PPP4R4: variants seen among roughly 807,000 people sequenced by gnomAD.
PPP4R4 encodes protein phosphatase 4 regulatory subunit 4, also known as serine/threonine-protein phosphatase 4 regulatory subunit 4.
In PPP4R4, 70 loss-of-function variants were observed where a neutral mutation model predicts 121.8. The observed-to-expected ratio is 0.57, with a 90% CI of 0.47 to 0.70. The LOEUF (loss-of-function observed/expected upper bound fraction) is 0.70, where lower values mean the gene tolerates loss of function less well. PPP4R4 is among the 30% of genes least tolerant of loss of function. The pLI, the probability that PPP4R4 is intolerant of heterozygous loss-of-function variation, is 0.00. For synonymous variants in PPP4R4, 348 were observed against 355.7 expected (o/e 0.98, Z 0.24); for missense variants, 875 against 1,033.6 (o/e 0.85, Z 2.10).
chr14:94,272,067 T>C (rs752999298), intron 23 of PPP4R4, among the ~76,000 whole-genome samples: 1 of 152,218 alleles, frequency 6.6e-6, no homozygotes, highest in Non-Finnish European at 1.5e-5. Flanking sequence ...TACTCAATAT[T>C]GTCAAGACGT....
chr14:94,254,999 A>G lies in PPP4R4; in HGVS notation c.1866-1461A>G, dbSNP rs532202992. Among the ~76,000 whole-genome samples the G allele has an allele frequency of 2.6e-5, 4 of 152,182 alleles. No individual in the cohort carries two copies. The South Asian group carries it at 6.2e-4, about 24-fold the overall frequency. On this transcript the variant is annotated intron_variant, in intron 16 of 24. Coordinates refer to ENST00000304338, the MANE Select transcript of PPP4R4 (RefSeq NM_058237.2). Reference sequence around the variant, plus strand: ...TTACTTTGGTGATCTCTCCCATTTCATGGTTTAAATATCATCTCCTTGCTG... The same window carrying G: ...TTACTTTGGTGATCTCTCCCATTTCGTGGTTTAAATATCATCTCCTTGCTG...
At chr14:94,242,537 G>A in intron 11 of PPP4R4, 129 bp downstream of exon 11, 1 of 953,728 alleles carries the variant, frequency 1.0e-6, no homozygotes. Context: ...CTTAAATCTT[G>A]TTTAAAAATT....
intron 9 of PPP4R4, 80 bp downstream of exon 9, chr14:94,240,875 T>G: frequency 8.6e-6 from 12 of 1,388,932 alleles, no homozygotes; most frequent in Non-Finnish European, 1.0e-5. Context: ...ACTTTGGCTC[T>G]TCAGTTAATT....
intron 3 of PPP4R4, among the ~76,000 whole-genome samples, chr14:94,217,379 T>C (rs909198317): frequency 6.6e-6 from 1 of 152,200 alleles, no homozygotes; most frequent in Non-Finnish European, 1.5e-5. Flanking sequence ...ACTAGACTGG[T>C]TATTCAACCC....
At chr14:94,240,266 A>G (rs923382708) in intron 8 of PPP4R4, among the ~76,000 whole-genome samples, 3 of 152,222 alleles carry the variant, frequency 2.0e-5, no homozygotes, top group African/African-American at 7.2e-5. Flanking sequence ...AATGGGCTTA[A>G]GCTGTAGCAT....
chr14:94,278,594 T>C, intron 24 of PPP4R4, 25 bp from the exon 25 acceptor site: 1 of 1,531,952 alleles, frequency 6.5e-7, no homozygotes, highest in Non-Finnish European at 9.0e-7. Context: ...CCTCCCTCTC[T>C]TCCTTCATTT....
At chr14:94,236,399 AT>A (rs1892355791) in intron 7 of PPP4R4, among the ~76,000 whole-genome samples, 1 of 152,202 alleles carries the variant, frequency 6.6e-6, no homozygotes, top group African/African-American at 2.4e-5. Flanking sequence ...TTTATATGAA[AT>A]AAATTTTTAT....
At chr14:94,217,695 A>G (rs974744785) in intron 3 of PPP4R4, among the ~76,000 whole-genome samples, 3 of 152,190 alleles carry the variant, frequency 2.0e-5, no homozygotes, top group Non-Finnish European at 4.4e-5. Context: ...AAATAATCAA[A>G]TGAAGATGCT....
chr14:94,189,929 C>G (rs1304504310), intron 2 of PPP4R4, among the ~76,000 whole-genome samples: 1 of 152,156 alleles, frequency 6.6e-6, no homozygotes, highest in African/African-American at 2.4e-5. Context: ...CCCAGCAGTT[C>G]CTGAATGATT....
intron 16 of PPP4R4, among the ~76,000 whole-genome samples, chr14:94,254,791 A>G (rs1893379872): frequency 6.6e-6 from 1 of 152,222 alleles, no homozygotes; most frequent in South Asian, 2.1e-4. Context: ...AGCAAAGGAG[A>G]GTATTTCCTC....
At chr14:94,198,987 A>G (rs750241704) in intron 2 of PPP4R4, among the ~76,000 whole-genome samples, 8 of 152,170 alleles carry the variant, frequency 5.3e-5, no homozygotes, top group Non-Finnish European at 1.2e-4. Flanking sequence ...TGTTTTTGTC[A>G]GATTTGTTTT....
Position 94,265,433 on chromosome 14 carries a change from C to T in PPP4R4, c.2244C>T (p.Pro748=), listed in dbSNP as rs1893995595. Residue 748 remains proline, a synonymous_variant, in exon 21 of 25, where the codon CCC becomes CCT. Coordinates refer to ENST00000304338, the MANE Select transcript of PPP4R4 (RefSeq NM_058237.2). Reference sequence around the variant, plus strand: ...CGCAAAGTCTGCCCAAGAACATCCCCATTTCTGTTCCTGGACCCTCTTCTG... The same window carrying T: ...CGCAAAGTCTGCCCAAGAACATCCCTATTTCTGTTCCTGGACCCTCTTCTG... ...TPTQSLPKNI[P]ISVPGPSSVT... is the part of the protein sequence containing the mutation. The T allele has an allele frequency of 1.9e-6, 3 of 1,613,092 alleles. No homozygotes were observed. In the South Asian group the frequency reaches 3.3e-5, roughly 18 times the overall value.
chr14:94,254,502 C>T (rs1893361405), intron 16 of PPP4R4, among the ~76,000 whole-genome samples: 1 of 152,130 alleles, frequency 6.6e-6, no homozygotes, highest in African/African-American at 2.4e-5. Context: ...TTGCTATTTA[C>T]AATGCTGGAA....
chr14:94,224,202 AG>A (rs1223890699), intron 3 of PPP4R4, among the ~76,000 whole-genome samples: 2 of 152,226 alleles, frequency 1.3e-5, no homozygotes, highest in African/African-American at 4.8e-5. Flanking sequence ...ATAAAGCAAA[AG>A]GAGTTGCCGA....
At chr14:94,180,169 C>T (rs973229389) in intron 2 of PPP4R4, among the ~76,000 whole-genome samples, 9 of 152,198 alleles carry the variant, frequency 5.9e-5, no homozygotes, top group Non-Finnish European at 1.3e-4. Flanking sequence ...CCTTTCCCTA[C>T]TTCCTTGCTA....
intron 3 of PPP4R4, among the ~76,000 whole-genome samples, chr14:94,229,482 G>A (rs916298219): frequency 9.2e-5 from 14 of 152,028 alleles, no homozygotes; most frequent in African/African-American, 3.4e-4. Context: ...GTGAAGGTGC[G>A]AGCAACTGAG....
Position 94,275,520 on chromosome 14 carries a change from T to TTTA in PPP4R4, c.2597_2597+1insTAT (p.Leu866delinsPheIle). The stretch of plus-strand genomic sequence containing the variant: ...AGATACACAACCACGGAAGGCTACC[T>TTTA]TGTAAGTAATCAAGTGATGTCAGAC... On this transcript the variant is annotated protein_altering_variant and splice_region_variant, in exon 24 of 25. Coordinates refer to ENST00000304338, the MANE Select transcript of PPP4R4 (RefSeq NM_058237.2). 2 of 1,613,992 alleles carry TTTA rather than the reference T, an allele frequency of 1.2e-6. No homozygotes were observed. Among genetic ancestry groups the TTTA allele is most frequent in the Non-Finnish European group, 1.7e-6 (2 of 1,179,890 alleles).
At chr14:94,238,888 C>T (rs1892482369) in intron 8 of PPP4R4, among the ~76,000 whole-genome samples, 3 of 152,174 alleles carry the variant, frequency 2.0e-5, no homozygotes, top group Admixed American at 6.5e-5. Context: ...AACTGCAGTA[C>T]ATGATAAGTG....
chr14:94,272,571 A>T (rs1007852665), intron 23 of PPP4R4, among the ~76,000 whole-genome samples: 5 of 146,888 alleles, frequency 3.4e-5, no homozygotes, highest in Non-Finnish European at 4.5e-5. Flanking sequence ...ACATAGGAGA[A>T]AATCTAGATG....
Sources: allele counts gnomAD v4.1 joint callset (sites outside exome capture counted in the v4.1 genomes callset), GRCh38; gene constraint gnomAD v4.1.1; transcripts MANE v1.5; gene names NCBI Gene and HGNC (gene_info 2026-07-23, HGNC 2026-07-21).